CIMAP1D: variants seen among roughly 807,000 people sequenced by gnomAD.
CIMAP1D encodes protein CIMAP1D.
the CIMAP1D span, among the ~76,000 whole-genome samples, chr19:471,937 G>T: frequency 6.6e-6 from 1 of 152,082 alleles, no homozygotes; most frequent in Non-Finnish European, 1.5e-5. Flanking sequence ...TAGTAGAGAT[G>T]GGGTTTCACT....
chr19:479,415 G>C, the CIMAP1D span, among the ~76,000 whole-genome samples: 12 of 141,510 alleles, frequency 8.5e-5, 1 homozygote, highest in African/African-American at 2.2e-4. Context: ...TTTTTTTGGG[G>C]GGGGGGGGGA....
chr19:469,448 G>A, the CIMAP1D span, among the ~76,000 whole-genome samples: 8 of 152,146 alleles, frequency 5.3e-5, no homozygotes, highest in African/African-American at 1.9e-4. Flanking sequence ...CCAGCACTTT[G>A]GGAGGCTGAG....
the CIMAP1D span, among the ~76,000 whole-genome samples, chr19:483,253 C>T: frequency 2.0e-5 from 3 of 148,332 alleles, no homozygotes; most frequent in African/African-American, 7.4e-5. Flanking sequence ...GGCCCCATCC[C>T]CCCCCAACAC....
chr19:463,544 G>T, the CIMAP1D span: 1 of 466,240 alleles, frequency 2.1e-6, no homozygotes, highest in Non-Finnish European at 3.8e-6. Flanking sequence ...TCCATCTCCA[G>T]CCAGCTACTG....
chr19:483,803 T>C, the CIMAP1D span, among the ~76,000 whole-genome samples: 1 of 152,136 alleles, frequency 6.6e-6, no homozygotes, highest in African/African-American at 2.4e-5. Flanking sequence ...CAACACTGTG[T>C]CCCCAGCTCC....
the CIMAP1D span, among the ~76,000 whole-genome samples, chr19:472,845 C>G: frequency 7.5e-5 from 11 of 146,102 alleles, no homozygotes; most frequent in Admixed American, 5.6e-4. Context: ...GAGACTGAGG[C>G]CCAGGCAGAG....
the CIMAP1D span, among the ~76,000 whole-genome samples, chr19:468,389 A>T: frequency 6.6e-6 from 1 of 151,960 alleles, no homozygotes; most frequent in Admixed American, 6.6e-5. Flanking sequence ...AACTGCACAT[A>T]AAGAGTGACA....
the CIMAP1D span, among the ~76,000 whole-genome samples, chr19:466,837 TG>T: frequency 4.1e-4 from 1 of 2,458 alleles, no homozygotes; most frequent in Non-Finnish European, 8.1e-4. Context: ...GATAGATGGA[TG>T]GGTGGGTGGG....
the CIMAP1D span, among the ~76,000 whole-genome samples, chr19:480,084 A>G: frequency 6.6e-6 from 1 of 152,212 alleles, no homozygotes; most frequent in Non-Finnish European, 1.5e-5. Context: ...GGAGAAGGTC[A>G]CGCTCCAGCA....
the CIMAP1D span, among the ~76,000 whole-genome samples, chr19:486,964 C>G: frequency 6.6e-6 from 1 of 152,042 alleles, no homozygotes; most frequent in Admixed American, 6.6e-5. Flanking sequence ...GTTGGCCAGG[C>G]TGGTCTCAAA....
the CIMAP1D span, among the ~76,000 whole-genome samples, chr19:476,414 T>G: frequency 1.6e-4 from 24 of 151,946 alleles, no homozygotes; most frequent in African/African-American, 5.8e-4. Flanking sequence ...GGTTTCAAAC[T>G]CCTGACCTCA....
At chr19:489,758 C>T in the CIMAP1D span, 12,640 of 345,394 alleles carry the variant, frequency 0.037, 731 homozygotes, top group East Asian at 0.21. Context: ...ACCCTCCCAA[C>T]CCGTTAGGAA....
the CIMAP1D span, chr19:474,830 C>T: frequency 8.2e-7 from 1 of 1,222,398 alleles, no homozygotes; most frequent in Non-Finnish European, 1.1e-6. Context: ...GCCACAGGCC[C>T]AGGCACCGTC....
the CIMAP1D span, among the ~76,000 whole-genome samples, chr19:465,924 ATGGG>A: frequency 1.8e-5 from 2 of 113,526 alleles, no homozygotes; most frequent in African/African-American, 7.4e-5. Flanking sequence ...GGATGAGTGG[ATGGG>A]TGGATGGTTG....
the CIMAP1D span, among the ~76,000 whole-genome samples, chr19:475,339 G>A: frequency 6.6e-6 from 1 of 152,220 alleles, no homozygotes; most frequent in Non-Finnish European, 1.5e-5. Context: ...GGTGAGAACT[G>A]GACACGAACA....
the CIMAP1D span, chr19:472,465 A>T: frequency 6.5e-7 from 1 of 1,547,088 alleles, no homozygotes; most frequent in South Asian, 1.2e-5. Flanking sequence ...GATGAAGCCC[A>T]CGGTGGACGG....
the CIMAP1D span, among the ~76,000 whole-genome samples, chr19:483,397 C>T: frequency 1.3e-5 from 2 of 152,174 alleles, no homozygotes; most frequent in African/African-American, 4.8e-5. Flanking sequence ...GCCACTGCGT[C>T]TAGCACAGGC....
the CIMAP1D span, among the ~76,000 whole-genome samples, chr19:479,832 G>A: frequency 6.6e-6 from 1 of 152,366 alleles, no homozygotes; most frequent in Non-Finnish European, 1.5e-5. Context: ...CACCATGCCC[G>A]GCCCCTTCTT....
the CIMAP1D span, chr19:464,197 G>A: frequency 6.6e-7 from 1 of 1,512,886 alleles, no homozygotes; most frequent in Non-Finnish European, 8.8e-7. Context: ...GTGAAGATCT[G>A]TGAGCCCCAC....
Sources: gnomAD v4.1 joint callset for allele counts (sites outside exome capture counted in the v4.1 genomes callset) on GRCh38, gnomAD v4.1.1 for gene constraint, MANE v1.5 for transcripts, NCBI Gene and HGNC (gene_info 2026-07-23, HGNC 2026-07-21) for gene names.